MPP3: variants seen among roughly 807,000 people sequenced by gnomAD.
The protein encoded by MPP3 is MAGUK p55 subfamily member 3.
In MPP3, 48 loss-of-function variants were observed where a neutral mutation model predicts 80.7. The observed-to-expected ratio is 0.59, with a 90% confidence interval of 0.47 to 0.76. The LOEUF is 0.76. Ranked by LOEUF, MPP3 falls within the 30% of genes least tolerant of loss-of-function variation. The pLI, the probability that MPP3 is intolerant of heterozygous loss-of-function variation, is 0.00. For synonymous variants in MPP3, 311 were observed against 297.6 expected (o/e 1.04, Z -0.46); for missense variants, 620 against 763.0 (o/e 0.81, Z 2.21).
At chr17:43,822,678 T>TAA (rs56125167) in intron 10 of MPP3, among the ~76,000 whole-genome samples, 11 of 59,048 alleles carry the variant, frequency 1.9e-4, no homozygotes, top group African/African-American at 8.8e-4. Flanking sequence ...ACTCCCATCC[T>TAA]AAAAAAAAAA....
rs759819030 is a variant in MPP3 at position 43,823,287 on chromosome 17, C to G, written c.684+644G>C. ...ACCCACCACCATCCTCCCCTCAAAG[C>G]CCCACCACATAGCCCTTAACGTGCT... On this transcript the variant is annotated intron_variant, in intron 10 of 19. Transcript: ENST00000398389. Among the ~76,000 whole-genome samples, 3 of 152,164 alleles carry G rather than the reference C, an allele frequency of 2.0e-5. No homozygotes were observed. The East Asian group carries it at 5.8e-4, about 29-fold the overall frequency.
At chr17:43,802,024 G>A (rs2044430052) in intron 19 of MPP3, 147 bp from the exon 20 acceptor site, 16 of 728,252 alleles carry the variant, frequency 2.2e-5, no homozygotes, top group Non-Finnish European at 3.5e-5. Context: ...GTGTACACAA[G>A]AACAGAGCAT....
intron 16 of MPP3, among the ~76,000 whole-genome samples, chr17:43,813,775 C>T (rs17742905): frequency 6.6e-6 from 1 of 152,048 alleles, no homozygotes; most frequent in African/African-American, 2.4e-5. Flanking sequence ...TCATCTCCCA[C>T]CCCAGGCAGG....
Position 43,801,700 on chromosome 17 carries a change from G to T in MPP3, c.*1C>A. 6.2e-7 allele frequency: 1 copy of T among 1,614,016 alleles called. No homozygotes were observed. Among genetic ancestry groups the T allele is most frequent in the South Asian group, 1.1e-5 (1 of 91,056 alleles). On this transcript the variant is annotated 3_prime_UTR_variant, in exon 20 of 20. Coordinates refer to ENST00000398389, the MANE Select transcript of MPP3 (RefSeq NM_001932.6). Reference sequence around the variant, plus strand: ...TCCAGCTTGGATGTTCTGGGATAAAGTTACCTGACCCAACTAACAGGTACC... The same window carrying T: ...TCCAGCTTGGATGTTCTGGGATAAATTTACCTGACCCAACTAACAGGTACC...
At chr17:43,811,576 GTTTT>G (rs376000535) in intron 16 of MPP3, 5 of 168,286 alleles carry the variant, frequency 3.0e-5, no homozygotes, top group Non-Finnish European at 5.0e-5. Context: ...CTGATGCTGT[GTTTT>G]TTTTTTGTTT....
intron 11 of MPP3, among the ~76,000 whole-genome samples, chr17:43,819,681 A>C (rs2045324723): frequency 6.6e-6 from 1 of 152,148 alleles, no homozygotes; most frequent in Non-Finnish European, 1.5e-5. Context: ...TTCATCCTAA[A>C]TACCTGCCGC....
At position 43,821,481 on chromosome 17, in the gene MPP3, A is replaced by G. The variant is rs576581897; in HGVS notation, c.685-423T>C. ...ACGGAAGGCAGCAGCCATCTGTTAT[A>G]TAAGTAATCTAGATGTTTGGGTAAG... On this transcript the variant is annotated intron_variant, in intron 10 of 19. Coordinates refer to ENST00000398389, the MANE Select transcript of MPP3 (RefSeq NM_001932.6). 9.2e-5 allele frequency among the ~76,000 whole-genome samples: 14 copies of G among 152,384 alleles called. No homozygotes were observed. In the East Asian group the frequency reaches 1.2e-3, roughly 13 times the overall value.
intron 11 of MPP3, among the ~76,000 whole-genome samples, chr17:43,820,516 C>T (rs1350260932): frequency 1.3e-5 from 2 of 150,836 alleles, no homozygotes; most frequent in African/African-American, 4.9e-5. Flanking sequence ...TGCTTGAACC[C>T]GGGAGGTGGA....
intron 11 of MPP3, among the ~76,000 whole-genome samples, 160 bp from the exon 12 acceptor site, chr17:43,818,270 G>A (rs139558328): frequency 1.3e-5 from 2 of 152,200 alleles, no homozygotes; most frequent in Admixed American, 1.3e-4. Flanking sequence ...TTCCAACGAA[G>A]GGAACACTTT....
At chr17:43,816,190 C>T (rs968254010) in intron 13 of MPP3, 111 bp from the exon 14 acceptor site, 15 of 907,438 alleles carry the variant, frequency 1.7e-5, no homozygotes, top group African/African-American at 1.2e-4. Context: ...GATGGTGTCT[C>T]GTGGGGAGCT....
chr17:43,822,775 A>T (rs1275188267), intron 10 of MPP3, among the ~76,000 whole-genome samples: 4 of 150,494 alleles, frequency 2.7e-5, no homozygotes, highest in African/African-American at 9.8e-5. Context: ...CATTCAGTGC[A>T]GCCTGGGCTG....
At chr17:43,817,464 AAAC>A (rs756846392) in intron 12 of MPP3, among the ~76,000 whole-genome samples, 5 of 152,226 alleles carry the variant, frequency 3.3e-5, no homozygotes, top group Admixed American at 1.3e-4. Flanking sequence ...AATTTCAAAT[AAAC>A]AACAAGTAAC....
chr17:43,818,104 T>C lies in MPP3; in HGVS notation c.888A>G (p.Leu296=). The C allele has an allele frequency of 7.1e-6, 11 of 1,558,364 alleles. No homozygotes were observed. Among genetic ancestry groups the C allele is most frequent in the Non-Finnish European group, 9.6e-6 (11 of 1,149,816 alleles). The change falls in exon 12 of 20, where the codon CTA becomes CTG. Residue 296 remains leucine (L), a synonymous_variant. Coordinates refer to ENST00000398389, the MANE Select transcript of MPP3 (RefSeq NM_001932.6). ...IPSKGFQERR[L]SYRRAAGTLP... is the part of the protein sequence containing the mutation. ...GGGTGCCCGCGGCTCTCCGGTAGCT[T>C]AGTCGTCTGCAGGGACACAAGGGGA...
chr17:43,832,582 C>A (rs2046019875), intron 2 of MPP3, among the ~76,000 whole-genome samples, 179 bp downstream of exon 2: 1 of 152,192 alleles, frequency 6.6e-6, no homozygotes, highest in Admixed American at 6.5e-5. Context: ...TGCTCTGCAG[C>A]ACGTGGACCT....
At chr17:43,816,236 G>C (rs1417274455) in intron 13 of MPP3, among the ~76,000 whole-genome samples, 157 bp from the exon 14 acceptor site, 2 of 152,206 alleles carry the variant, frequency 1.3e-5, no homozygotes, top group Non-Finnish European at 2.9e-5. Context: ...CCCCAAGAAA[G>C]CAAGGTCCTC....
At chr17:43,802,370 TG>T in intron 19 of MPP3, among the ~76,000 whole-genome samples, 1 of 152,338 alleles carries the variant, frequency 6.6e-6, no homozygotes, top group Non-Finnish European at 1.5e-5. Context: ...ATCATTCTAA[TG>T]CCCTCCTGAA....
chr17:43,808,673 C>CA (rs1380926241), intron 19 of MPP3, among the ~76,000 whole-genome samples: 3 of 152,236 alleles, frequency 2.0e-5, no homozygotes, highest in East Asian at 3.8e-4. Flanking sequence ...TGACAGGTGT[C>CA]ACATTTTGCG....
At chr17:43,810,260 G>A (rs1298387783) in intron 18 of MPP3, among the ~76,000 whole-genome samples, 1 of 152,168 alleles carries the variant, frequency 6.6e-6, no homozygotes, top group Non-Finnish European at 1.5e-5. Context: ...TTAAAAAGAT[G>A]GTTAAGCCCC....
Position 43,831,673 on chromosome 17 carries a change from C to A in MPP3, c.30G>T (p.Leu10Phe). 6.2e-7 allele frequency: 1 copy of A among 1,608,810 alleles called. No individual in the cohort carries two copies. Among genetic ancestry groups the A allele is most frequent in the Non-Finnish European group, 8.5e-7 (1 of 1,176,408 alleles). Residue 10 changes from leucine to phenylalanine, a missense_variant, in exon 4 of 20, where the codon TTG becomes TTT. Coordinates refer to ENST00000398389, the MANE Select transcript of MPP3 (RefSeq NM_001932.6). MPVLSEDSGLHETLALLTSQ... is the reference protein window; with the variant it reads MPVLSEDSGFHETLALLTSQ... The stretch of plus-strand genomic sequence containing the variant: ...AGGTCAGCAGGGCCAGGGTTTCATG[C>A]AAACCTGGGGAGAGGTGAGAAAAAC...
Sources: allele counts gnomAD v4.1 joint callset (sites outside exome capture counted in the v4.1 genomes callset), GRCh38; gene constraint gnomAD v4.1.1; transcripts MANE v1.5; gene names NCBI Gene and HGNC (gene_info 2026-07-23, HGNC 2026-07-21).